Variants in SLC5A4 observed in about 807,000 individuals in gnomAD.
SLC5A4 encodes probable glucose sensor protein SLC5A4.
Under a neutral mutation model 70.3 loss-of-function variants are expected in SLC5A4, and 55 were observed. The observed-to-expected ratio is 0.78, with a 90% CI of 0.63 to 0.98. The LOEUF is 0.98. Ranked by LOEUF, SLC5A4 falls within the 50% of genes least tolerant of loss-of-function variation. SLC5A4 has a pLI of 0.00. For synonymous variants in SLC5A4, 268 were observed against 305.7 expected, an observed-to-expected ratio of 0.88 and a Z score of 1.29; for missense variants, 735 against 839.2, an observed-to-expected ratio of 0.88 and a Z score of 1.53.
At chr22:32,325,815 A>C in the SLC5A4 span, among the ~76,000 whole-genome samples, 1 of 152,250 alleles carries the variant, frequency 6.6e-6, no homozygotes, top group African/African-American at 2.4e-5. Context: ...TCACTAGCCC[A>C]AAACTGCCTA....
chr22:32,319,258 C>T, the SLC5A4 span, among the ~76,000 whole-genome samples: 2 of 152,032 alleles, frequency 1.3e-5, no homozygotes, highest in South Asian at 2.1e-4. Flanking sequence ...ACCATGGGTT[C>T]TCCTGGGACT....
the SLC5A4 span, among the ~76,000 whole-genome samples, chr22:32,282,364 T>G: frequency 0.36 from 54,423 of 151,670 alleles, 9,831 homozygotes; most frequent in East Asian, 0.42. Flanking sequence ...CTAGTCTCTC[T>G]CTCCTTGCTG....
the SLC5A4 span, among the ~76,000 whole-genome samples, chr22:32,281,994 C>T: frequency 6.6e-6 from 1 of 152,122 alleles, no homozygotes; most frequent in African/African-American, 2.4e-5. Context: ...CAGGCATGTG[C>T]CACCACGCCT....
chr22:32,315,562 ATCATG>A, the SLC5A4 span, among the ~76,000 whole-genome samples: 1 of 152,138 alleles, frequency 6.6e-6, no homozygotes, highest in Non-Finnish European at 1.5e-5. Flanking sequence ...GATTAAAGAT[ATCATG>A]TCATATTATA....
intron 2 of SLC5A4, among the ~76,000 whole-genome samples, chr22:32,252,187 G>A (rs1039598322): frequency 4.7e-5 from 7 of 148,876 alleles, no homozygotes; most frequent in African/African-American, 1.8e-4. Context: ...CGGAGATCGC[G>A]CCACTGCACT....
At chr22:32,224,566 G>T in intron 12 of SLC5A4, 84 bp from the exon 13 acceptor site, 1 of 1,139,818 alleles carries the variant, frequency 8.8e-7, no homozygotes, top group Non-Finnish European at 1.3e-6. Context: ...AATCCTGCCT[G>T]CTTTCTCAGT....
intron 3 of SLC5A4, among the ~76,000 whole-genome samples, chr22:32,250,005 T>G (rs1330598447): frequency 6.6e-6 from 1 of 152,132 alleles, no homozygotes; most frequent in African/African-American, 2.4e-5. Flanking sequence ...GTCAAAAGAT[T>G]GGACACCCCT....
At chr22:32,339,493 G>C in the SLC5A4 span, among the ~76,000 whole-genome samples, 4 of 152,184 alleles carry the variant, frequency 2.6e-5, no homozygotes, top group African/African-American at 9.7e-5. Context: ...GGGTTTGCTA[G>C]AGTAGAGTAC....
the SLC5A4 span, chr22:32,272,699 C>T: frequency 1.9e-6 from 1 of 530,888 alleles, no homozygotes; most frequent in African/African-American, 1.9e-5. Context: ...GCTGGGCAGA[C>T]TTCCATGTGG....
At chr22:32,232,678 T>C (rs1925825887) in intron 9 of SLC5A4, among the ~76,000 whole-genome samples, 1 of 152,000 alleles carries the variant, frequency 6.6e-6, no homozygotes, top group Non-Finnish European at 1.5e-5. Flanking sequence ...CAGACTCAAA[T>C]GTCTACGAGA....
At chr22:32,270,498 G>T in the SLC5A4 span, 8 of 746,192 alleles carry the variant, frequency 1.1e-5, no homozygotes, top group Non-Finnish European at 1.9e-5. Flanking sequence ...CCCCCGAAGC[G>T]GACAATGACC....
the SLC5A4 span, chr22:32,272,240 G>C: frequency 2.6e-6 from 2 of 782,310 alleles, no homozygotes; most frequent in Non-Finnish European, 4.7e-6. Flanking sequence ...TGACTGAGGT[G>C]GTGCCCGAGC....
the SLC5A4 span, among the ~76,000 whole-genome samples, chr22:32,312,857 G>GTC: frequency 2.0e-5 from 3 of 152,154 alleles, no homozygotes; most frequent in Non-Finnish European, 4.4e-5. Context: ...ATCACATGGT[G>GTC]TCTCCTCAAT....
the SLC5A4 span, among the ~76,000 whole-genome samples, chr22:32,312,356 C>T: frequency 1.9e-4 from 22 of 116,660 alleles, no homozygotes; most frequent in East Asian, 5.0e-4. Flanking sequence ...CCAAATCACA[C>T]GCGCGCGCGC....
the SLC5A4 span, among the ~76,000 whole-genome samples, chr22:32,346,545 C>T: frequency 0.16 from 22,490 of 144,296 alleles, 2,064 homozygotes; most frequent in East Asian, 0.45. Flanking sequence ...TCAGAAATAA[C>T]GCCACATATC....
At chr22:32,306,325 T>G in the SLC5A4 span, among the ~76,000 whole-genome samples, 1 of 103,440 alleles carries the variant, frequency 9.7e-6, no homozygotes, top group African/African-American at 3.6e-5. Flanking sequence ...ATTAGCCAGG[T>G]GTGGTGGCAG....
the SLC5A4 span, chr22:32,327,312 C>G: frequency 6.6e-6 from 1 of 152,292 alleles, no homozygotes; most frequent in Non-Finnish European, 1.5e-5. Context: ...TCACTGGGCA[C>G]AGATCCAGGC....
chr22:32,337,267 C>T, the SLC5A4 span, among the ~76,000 whole-genome samples: 23,096 of 152,224 alleles, frequency 0.15, 2,155 homozygotes, highest in East Asian at 0.47. Context: ...ATAAGAAACA[C>T]ATTGGCTGTA....
the SLC5A4 span, among the ~76,000 whole-genome samples, chr22:32,333,206 C>CCCA: frequency 1.0e-2 from 1,498 of 150,432 alleles, 20 homozygotes; most frequent in South Asian, 0.026. Flanking sequence ...ACCCCCCCCC[C>CCCA]AGAAGACTCA....
Sources: allele counts gnomAD v4.1 joint callset (sites outside exome capture counted in the v4.1 genomes callset), GRCh38; gene constraint gnomAD v4.1.1; transcripts MANE v1.5; gene names NCBI Gene and HGNC (gene_info 2026-07-23, HGNC 2026-07-21).